The following NCK2 variants were observed in gnomAD, a reference collection of about 807,000 sequenced individuals.
NCK2 encodes NCK adaptor protein 2.
A neutral mutation model predicts 33.9 loss-of-function variants in NCK2; 16 were observed. The observed-to-expected ratio is 0.47, with a 90% confidence interval of 0.32 to 0.72. The LOEUF is 0.72. Among genes scored for constraint, NCK2 ranks in the 30% least tolerant of loss-of-function variants. The probability of loss-of-function intolerance (pLI) is 0.03; values close to 1 mark genes in which losing one functional copy is unlikely to be tolerated. For synonymous variants in NCK2, 273 were observed against 239.9 expected (o/e 1.14, Z -1.27); for missense variants, 418 against 537.3 (o/e 0.78, Z 2.19).
intron 2 of NCK2, among the ~76,000 whole-genome samples, chr2:105,849,488 C>G (rs1045617225): frequency 7.9e-5 from 12 of 152,152 alleles, no homozygotes; most frequent in Non-Finnish European, 1.3e-4. Flanking sequence ...GGATATTAAC[C>G]TGGAATCATC....
At chr2:105,789,323 G>C (rs1405103078) in intron 1 of NCK2, among the ~76,000 whole-genome samples, 2 of 152,112 alleles carry the variant, frequency 1.3e-5, no homozygotes, top group African/African-American at 4.8e-5. Context: ...GAGTAGCTGG[G>C]ATTACAAGTG....
intron 2 of NCK2, among the ~76,000 whole-genome samples, chr2:105,819,051 A>T (rs1399576089): frequency 6.6e-6 from 1 of 152,100 alleles, no homozygotes; most frequent in Non-Finnish European, 1.5e-5. Flanking sequence ...AAAATGCCAT[A>T]TTGTCCCGTT....
chr2:105,814,107 C>T (rs1335951202), intron 1 of NCK2, among the ~76,000 whole-genome samples: 3 of 152,292 alleles, frequency 2.0e-5, no homozygotes, highest in East Asian at 1.9e-4. Context: ...TGATGGATTT[C>T]GATCACTGAT....
At chr2:105,833,062 C>T (rs1676260598) in intron 2 of NCK2, among the ~76,000 whole-genome samples, 1 of 146,662 alleles carries the variant, frequency 6.8e-6, no homozygotes, top group Admixed American at 6.8e-5. Context: ...GTTCAGGTCT[C>T]CCCTCCCCTC....
At chr2:105,781,479 C>T (rs968505590) in intron 1 of NCK2, among the ~76,000 whole-genome samples, 6 of 152,202 alleles carry the variant, frequency 3.9e-5, no homozygotes, top group Non-Finnish European at 8.8e-5. Flanking sequence ...AGTCCATGTA[C>T]GTCTGTTTCG....
chr2:105,877,574 A>G (rs1429509637), intron 3 of NCK2, among the ~76,000 whole-genome samples: 10 of 152,144 alleles, frequency 6.6e-5, no homozygotes, highest in Non-Finnish European at 1.2e-4. Context: ...ATCTGGAGAC[A>G]CAGGGGCCTC....
chr2:105,799,047 G>A (rs1160757632), intron 1 of NCK2, among the ~76,000 whole-genome samples: 1 of 151,914 alleles, frequency 6.6e-6, no homozygotes, highest in African/African-American at 2.4e-5. Flanking sequence ...CTTGGCCCAC[G>A]GTTTTCTTGG....
At chr2:105,869,689 C>T (rs992485037) in intron 3 of NCK2, among the ~76,000 whole-genome samples, 2 of 152,180 alleles carry the variant, frequency 1.3e-5, no homozygotes, top group Non-Finnish European at 2.9e-5. Flanking sequence ...ACACTTTAAG[C>T]AGTGCTCCAG....
chr2:105,849,439 A>C (rs1014167862), intron 2 of NCK2, among the ~76,000 whole-genome samples: 1 of 152,118 alleles, frequency 6.6e-6, no homozygotes, highest in Non-Finnish European at 1.5e-5. Flanking sequence ...CTGTGGCGGG[A>C]TAAATTGGTT....
At chr2:105,831,566 G>T (rs560155542) in intron 2 of NCK2, among the ~76,000 whole-genome samples, 5 of 152,164 alleles carry the variant, frequency 3.3e-5, no homozygotes, top group African/African-American at 1.2e-4. Context: ...GTAAATTTTT[G>T]TATGTAGTGA....
intron 2 of NCK2, among the ~76,000 whole-genome samples, 161 bp downstream of exon 2, chr2:105,816,774 G>A (rs1675505462): frequency 6.6e-6 from 1 of 152,152 alleles, no homozygotes; most frequent in Non-Finnish European, 1.5e-5. Flanking sequence ...GATTATCTCT[G>A]TTCCTGCTTT....
chr2:105,892,625 C>CT (rs1473519859), intron 4 of NCK2, among the ~76,000 whole-genome samples: 2 of 151,774 alleles, frequency 1.3e-5, no homozygotes, highest in Non-Finnish European at 2.9e-5. Context: ...GGGTGGGGAT[C>CT]ACCTGAGGTC....
At position 105,816,413 on chromosome 2, in the gene NCK2, T is replaced by C. The variant is rs892616541; in HGVS notation, c.-200-17T>C. 4 of 152,230 alleles carry C rather than the reference T, an allele frequency of 2.6e-5. No homozygotes were observed. The highest frequency in any genetic ancestry group is 5.9e-5 in the Non-Finnish European group (4 of 68,034). 9.4% of individuals were successfully genotyped at this position (152,230 alleles called of 1,614,324 possible). On this transcript the variant is annotated splice_polypyrimidine_tract_variant and intron_variant, in intron 1 of 4. Transcript: ENST00000233154. ...CAAAGAAGCAAGCAGACCTAATATATGCTTCTTTCTTTTTAGATTTCATGT... is the reference window on the plus strand; with the variant it reads ...CAAAGAAGCAAGCAGACCTAATATACGCTTCTTTCTTTTTAGATTTCATGT...
chr2:105,748,830 G>A (rs908020147), intron 1 of NCK2, among the ~76,000 whole-genome samples: 4 of 152,120 alleles, frequency 2.6e-5, no homozygotes, highest in African/African-American at 9.7e-5. Context: ...TTGAATATGT[G>A]AATAATGAGT....
chr2:105,884,436 A>G (rs906742680), intron 4 of NCK2, among the ~76,000 whole-genome samples: 8 of 152,156 alleles, frequency 5.3e-5, no homozygotes, highest in Non-Finnish European at 1.2e-4. Context: ...TCAGTCAGGC[A>G]TCTTTATTTA....
intron 2 of NCK2, among the ~76,000 whole-genome samples, chr2:105,817,706 A>T (rs959316553): frequency 6.6e-6 from 1 of 152,220 alleles, no homozygotes; most frequent in Non-Finnish European, 1.5e-5. Context: ...CATCAGAGAA[A>T]TGCAAATCAA....
intron 1 of NCK2, among the ~76,000 whole-genome samples, chr2:105,805,597 C>G (rs1028533061): frequency 6.6e-6 from 1 of 152,172 alleles, no homozygotes; most frequent in African/African-American, 2.4e-5. Context: ...AAAATCCCCC[C>G]ATTTTCCCTA....
At chr2:105,848,770 G>A (rs1041903539) in intron 2 of NCK2, among the ~76,000 whole-genome samples, 13 of 152,240 alleles carry the variant, frequency 8.5e-5, no homozygotes, top group African/African-American at 3.1e-4. Flanking sequence ...ATTTGAATGA[G>A]TTTCCATAAA....
At chr2:105,789,137 C>A (rs1178869104) in intron 1 of NCK2, among the ~76,000 whole-genome samples, 1 of 152,092 alleles carries the variant, frequency 6.6e-6, no homozygotes, top group Non-Finnish European at 1.5e-5. Context: ...GCTCCCATAG[C>A]GGGTGTGAGA....
Sources: allele counts gnomAD v4.1 joint callset (sites outside exome capture counted in the v4.1 genomes callset), GRCh38; gene constraint gnomAD v4.1.1; transcripts MANE v1.5; gene names NCBI Gene and HGNC (gene_info 2026-07-23, HGNC 2026-07-21).